NEDD4L: variants seen among roughly 807,000 people sequenced by gnomAD.
NEDD4L encodes the protein NEDD4 like E3 ubiquitin protein ligase, also known as E3 ubiquitin-protein ligase NEDD4-like.
A neutral mutation model predicts 148.9 loss-of-function variants in NEDD4L; 54 were observed. The observed-to-expected ratio is 0.36, with a 90% CI of 0.29 to 0.45. The LOEUF (loss-of-function observed/expected upper bound fraction) is 0.45, where lower values mean the gene tolerates loss of function less well. Ranked by LOEUF, NEDD4L falls within the 20% of genes least tolerant of loss-of-function variation. The probability of loss-of-function intolerance (pLI) is 1.00; values close to 1 mark genes in which losing one functional copy is unlikely to be tolerated. For synonymous variants in NEDD4L, 433 were observed against 440.7 expected, an observed-to-expected ratio of 0.98 and a Z score of 0.22; for missense variants, 856 against 1,233.8, an observed-to-expected ratio of 0.69 and a Z score of 4.59.
chr18:58,352,780 CTG>C (rs2044078989), intron 18 of NEDD4L, among the ~76,000 whole-genome samples: 2 of 152,226 alleles, frequency 1.3e-5, no homozygotes, highest in Non-Finnish European at 2.9e-5. Flanking sequence ...ACATCCTGGT[CTG>C]TGACGCATGG....
At chr18:58,152,242 C>T (rs1470683932) in intron 1 of NEDD4L, among the ~76,000 whole-genome samples, 2 of 152,272 alleles carry the variant, frequency 1.3e-5, no homozygotes, top group South Asian at 2.1e-4. Context: ...GTTACTGAAA[C>T]AGCAAGGCTT....
chr18:58,057,331 G>A (rs1307033213), intron 1 of NEDD4L, among the ~76,000 whole-genome samples: 2 of 151,804 alleles, frequency 1.3e-5, no homozygotes, highest in Non-Finnish European at 2.9e-5. Context: ...CAATGGGCAA[G>A]AAAGAACAGG....
chr18:58,044,443 G>A lies in NEDD4L; in HGVS notation c.-218G>A, dbSNP rs1404219174. Reference sequence around the variant, plus strand: ...GCGCGCTCTCGGGAGCCGCCCGCCCGCTGGTCCCGCAGCCTTCCGGGAGGA... The same window carrying A: ...GCGCGCTCTCGGGAGCCGCCCGCCCACTGGTCCCGCAGCCTTCCGGGAGGA... On this transcript the variant is annotated 5_prime_UTR_variant, in exon 1 of 31. Transcript: ENST00000400345. 15 of 445,172 alleles carry A rather than the reference G, an allele frequency of 3.4e-5. No homozygotes were observed. The highest frequency in any genetic ancestry group is 4.2e-5 in the African/African-American group (2 of 48,036). The allele number at this position is 445,172 out of a possible 1,614,324, so 27.6% of individuals were successfully genotyped here. A position where few individuals can be genotyped will look rare whatever the true frequency, so the allele number is the denominator to read the frequency against.
intron 1 of NEDD4L, among the ~76,000 whole-genome samples, chr18:58,087,712 T>C (rs1313718120): frequency 1.3e-5 from 2 of 152,020 alleles, no homozygotes; most frequent in East Asian, 3.9e-4. Flanking sequence ...CCATCTCTAC[T>C]AAAAATACAA....
chr18:58,107,870 A>G (rs1167455205), intron 1 of NEDD4L, among the ~76,000 whole-genome samples: 1 of 152,022 alleles, frequency 6.6e-6, no homozygotes, highest in Non-Finnish European at 1.5e-5. Context: ...GCATGCCACT[A>G]TGCCCAGCTA....
chr18:58,101,039 C>T, intron 1 of NEDD4L, among the ~76,000 whole-genome samples: 1 of 152,142 alleles, frequency 6.6e-6, no homozygotes, highest in East Asian at 1.9e-4. Flanking sequence ...GTCCTGGGCT[C>T]AAGGGATCCT....
intron 6 of NEDD4L, 126 bp downstream of exon 6, chr18:58,316,158 C>CTG: frequency 2.5e-6 from 2 of 786,086 alleles, no homozygotes; most frequent in Middle Eastern, 3.6e-4. Context: ...AGCACGTGTG[C>CTG]TGTGGCCTTA....
At chr18:58,224,649 C>G (rs548379167) in intron 2 of NEDD4L, among the ~76,000 whole-genome samples, 27 of 152,318 alleles carry the variant, frequency 1.8e-4, no homozygotes, top group African/African-American at 6.5e-4. Context: ...TAGCTTAACT[C>G]ATTCAAAAGG....
In NEDD4L at chr18:58,245,475, A is replaced by C. The variant is rs1600177838; in HGVS notation, c.171A>C (p.Glu57Asp). The C allele has an allele frequency of 6.3e-7, 1 of 1,586,386 alleles. No homozygotes were observed. Among genetic ancestry groups the C allele is most frequent in the African/African-American group, 1.3e-5 (1 of 74,560 alleles). Residue 57 changes from glutamate to aspartate, a missense_variant, in exon 3 of 31, where the codon GAA (glutamate) becomes GAC (aspartate). This residue lies in a region of NEDD4L where 193 missense variants were observed against 244.2 expected (regional missense o/e 0.79). Transcript: ENST00000400345. ...LSLYVADENR[E>D]LALVQTKTIK... ...TGTACGTAGCGGATGAGAATAGAGA[A>C]CTTGCTTTGGTCCAGACAAAAACAA...
intron 19 of NEDD4L, among the ~76,000 whole-genome samples, chr18:58,362,194 T>C (rs933722925): frequency 3.9e-5 from 6 of 152,346 alleles, no homozygotes; most frequent in African/African-American, 1.2e-4. Context: ...GGGGGCCACA[T>C]GTTGAAATCT....
At chr18:58,214,669 G>A (rs1274130770) in intron 2 of NEDD4L, among the ~76,000 whole-genome samples, 2 of 150,280 alleles carry the variant, frequency 1.3e-5, no homozygotes, top group East Asian at 1.9e-4. Flanking sequence ...TGTTTTAAAC[G>A]GGATCATGCT....
At chr18:58,183,979 CT>C (rs1319071266) in intron 2 of NEDD4L, among the ~76,000 whole-genome samples, 1 of 152,164 alleles carries the variant, frequency 6.6e-6, no homozygotes, top group African/African-American at 2.4e-5. Context: ...GCCATCCTGG[CT>C]AACATGGTGA....
At chr18:58,296,571 G>A (rs551546219) in intron 5 of NEDD4L, among the ~76,000 whole-genome samples, 18 of 152,310 alleles carry the variant, frequency 1.2e-4, no homozygotes, top group African/African-American at 4.3e-4. Context: ...AGCCTCTGCC[G>A]CTGGGGCTGC....
At chr18:58,247,759 A>G (rs1253842197) in intron 3 of NEDD4L, 2 of 152,052 alleles carry the variant, frequency 1.3e-5, no homozygotes, top group Non-Finnish European at 2.9e-5. Context: ...TCCCATGTGC[A>G]TTTCCGTGAA....
At chr18:58,143,332 A>C (rs2033755252) in intron 1 of NEDD4L, among the ~76,000 whole-genome samples, 1 of 152,206 alleles carries the variant, frequency 6.6e-6, no homozygotes, top group African/African-American at 2.4e-5. Flanking sequence ...CATTAGACAG[A>C]GCTCAGCTGC....
chr18:58,089,065 G>A (rs535260916), intron 1 of NEDD4L, among the ~76,000 whole-genome samples: 3 of 151,456 alleles, frequency 2.0e-5, no homozygotes, highest in African/African-American at 7.3e-5. Context: ...GGAAGAATTG[G>A]CCTCAGAGAA....
In NEDD4L at chr18:58,276,732, C is replaced by T. The variant is rs924423063; in HGVS notation, c.297+24678C>T. On this transcript the variant is annotated intron_variant, in intron 5 of 30. Transcript: ENST00000400345. ...TATTATTAATAAAATGCTTACTAGG[C>T]GAAGTTAATAGCTCCCACCCATTCC... 2.7e-5 allele frequency among the ~76,000 whole-genome samples: 4 copies of T among 150,018 alleles called. No homozygotes were observed. In the East Asian group the frequency reaches 5.8e-4, roughly 22 times the overall value.
intron 2 of NEDD4L, among the ~76,000 whole-genome samples, chr18:58,189,101 G>A (rs2039803573): frequency 6.6e-6 from 1 of 152,004 alleles, no homozygotes; most frequent in African/African-American, 2.4e-5. Context: ...ACACCTCCTG[G>A]GAATCTTTAA....
At chr18:58,140,348 G>A (rs991318415) in intron 1 of NEDD4L, among the ~76,000 whole-genome samples, 1 of 152,184 alleles carries the variant, frequency 6.6e-6, no homozygotes, top group African/African-American at 2.4e-5. Flanking sequence ...CCCACAAAGG[G>A]CCACTAGCAC....
Sources: gnomAD v4.1 joint callset for allele counts (sites outside exome capture counted in the v4.1 genomes callset) on GRCh38, gnomAD v4.1.1 for gene constraint, gnomAD v4.1.1 regional missense constraint, MANE v1.5 for transcripts, NCBI Gene and HGNC (gene_info 2026-07-23, HGNC 2026-07-21) for gene names.